ACACA: variants seen among roughly 807,000 people sequenced by gnomAD.
The protein encoded by ACACA is acetyl-CoA carboxylase alpha, also known as acetyl-CoA carboxylase 1.
Under a neutral mutation model 296.1 loss-of-function variants are expected in ACACA, and 103 were observed. The ratio of observed to expected loss-of-function variants is 0.35; its 90% CI spans 0.30 to 0.41. The LOEUF (loss-of-function observed/expected upper bound fraction) is 0.41. Among genes scored for constraint, ACACA ranks in the 10% least tolerant of loss-of-function variants. The pLI, the probability that ACACA is intolerant of heterozygous loss-of-function variation, is 1.00. For synonymous variants in ACACA, 953 were observed against 1,038.6 expected, an observed-to-expected ratio of 0.92 and a Z score of 1.58; for missense variants, 1,554 against 2,989.7, an observed-to-expected ratio of 0.52 and a Z score of 11.20.
At chr17:37,270,604 C>A (rs954301949) in intron 10 of ACACA, 147 bp downstream of exon 10, 15 of 655,956 alleles carry the variant, frequency 2.3e-5, no homozygotes, top group Non-Finnish European at 3.5e-5. Context: ...TGCTAATATG[C>A]AGGTAGAAAC....
intron 1 of ACACA, among the ~76,000 whole-genome samples, chr17:37,363,503 T>A (rs2049493751): frequency 6.6e-6 from 1 of 151,918 alleles, no homozygotes; most frequent in South Asian, 2.1e-4. Flanking sequence ...TTTTAAAGCA[T>A]CCCTAATAAT....
At chr17:37,117,657 T>C (rs1277692412) in intron 50 of ACACA, among the ~76,000 whole-genome samples, 1 of 152,210 alleles carries the variant, frequency 6.6e-6, no homozygotes, top group Non-Finnish European at 1.5e-5. Context: ...AATTTAATTT[T>C]GCATTATGCT....
intron 45 of ACACA, among the ~76,000 whole-genome samples, chr17:37,143,107 G>C (rs532666815): frequency 1.3e-5 from 2 of 151,998 alleles, no homozygotes; most frequent in Non-Finnish European, 2.9e-5. Flanking sequence ...GTAGCCCAGA[G>C]AGGTTAAATA....
intron 49 of ACACA, 30 bp downstream of exon 49, chr17:37,122,501 A>C (rs2074575121): frequency 6.3e-7 from 1 of 1,582,376 alleles, no homozygotes; most frequent in African/African-American, 1.3e-5. Context: ...CCCTCCAAGC[A>C]CAGCCCCCAG....
chr17:37,260,280 ATATATATATATATATATT>A (rs1264140657), intron 11 of ACACA, among the ~76,000 whole-genome samples: 6 of 32,410 alleles, frequency 1.9e-4, no homozygotes, highest in African/African-American at 5.7e-4. Flanking sequence ...ATATATATAT[ATATATATATATATATATT>A]TTTTTTTTTT....
chr17:37,245,593 C>G (rs2080654621), intron 19 of ACACA, among the ~76,000 whole-genome samples: 1 of 152,148 alleles, frequency 6.6e-6, no homozygotes, highest in Admixed American at 6.5e-5. Context: ...TTCTCCCTTA[C>G]CTACCAATTA....
chr17:37,379,408 C>T (rs1361007544), intron 1 of ACACA: 1 of 1,603,972 alleles, frequency 6.2e-7, no homozygotes, highest in Non-Finnish European at 8.5e-7. Flanking sequence ...AGGAAGGGGG[C>T]AGGCACTAAC....
chr17:37,232,338 G>T (rs1452098278), intron 25 of ACACA, among the ~76,000 whole-genome samples: 2 of 152,190 alleles, frequency 1.3e-5, no homozygotes, highest in Admixed American at 1.3e-4. Context: ...GATATGCAAA[G>T]AAAGGGGAAC....
intron 3 of ACACA, among the ~76,000 whole-genome samples, chr17:37,310,832 A>G (rs1212644191): frequency 6.6e-6 from 1 of 151,690 alleles, no homozygotes; most frequent in Non-Finnish European, 1.5e-5. Context: ...AATGTATATC[A>G]AGTAAAAAGA....
chr17:37,167,017 T>G (rs1220841237), intron 41 of ACACA, among the ~76,000 whole-genome samples: 1 of 151,852 alleles, frequency 6.6e-6, no homozygotes, highest in Non-Finnish European at 1.5e-5. Context: ...TGATCTCGGG[T>G]CACTACAACC....
chr17:37,108,619 C>T (rs944339565), intron 52 of ACACA, among the ~76,000 whole-genome samples: 3 of 152,120 alleles, frequency 2.0e-5, no homozygotes, highest in Non-Finnish European at 4.4e-5. Context: ...AACTCCCAAC[C>T]TCAGGTGATC....
At position 37,097,890 on chromosome 17, in the gene ACACA, G is replaced by A. The variant is rs548821816; in HGVS notation, c.6660C>T (p.Ala2220=). The part of the protein sequence containing the change: ...EFLIPIYHQV[A]VQFADLHDTP... ...TGTCGTGCAAGTCAGCAAACTGCAC[G>A]GCTACCTGATGGTAAATGGGAATTA... Residue 2220 remains alanine, a synonymous_variant, in exon 53 of 56, where the codon GCC becomes GCT. Coordinates refer to ENST00000616317, the MANE Select transcript of ACACA (RefSeq NM_198834.3). The surrounding 1 kb of genome is among the most constrained non-coding windows in gnomAD (Gnocchi z 4.8). 59 of 1,613,980 alleles carry A rather than the reference G, an allele frequency of 3.7e-5. No individual in the cohort carries two copies. The highest frequency in any genetic ancestry group is 4.6e-5 in the Non-Finnish European group (54 of 1,180,038).
chr17:37,192,031 A>C (rs756675523), intron 37 of ACACA, 59 bp downstream of exon 37: 22 of 1,522,386 alleles, frequency 1.4e-5, no homozygotes, highest in Non-Finnish European at 2.0e-5. Flanking sequence ...ATTTTGAATC[A>C]TATCTATTAT....
intron 29 of ACACA, among the ~76,000 whole-genome samples, chr17:37,217,657 C>T (rs542462400): frequency 1.5e-4 from 22 of 145,916 alleles, no homozygotes; most frequent in Non-Finnish European, 2.9e-4. Flanking sequence ...ATCGCTTGAA[C>T]CCAGGAGGCA....
chr17:37,190,235 C>A lies in ACACA; in HGVS notation c.4572+885G>T, dbSNP rs1006874819. 2.0e-5 allele frequency among the ~76,000 whole-genome samples: 3 copies of A among 152,022 alleles called. 1 individual carries two copies. On this transcript the variant is annotated intron_variant, in intron 38 of 55. Transcript: ENST00000616317. ...CTTGAGGTCAGGAGTTGGAGACCAG[C>A]CTGACTAACATGGTGAAACCCCGTT... is the stretch of plus-strand genomic sequence containing the variant.
In ACACA at chr17:37,241,988, AAAG is replaced by A. The variant is rs772918237; in HGVS notation, c.2994_2996del (p.Phe999del). On this transcript the variant is annotated inframe_deletion, in exon 23 of 56. Coordinates refer to ENST00000616317, the MANE Select transcript of ACACA (RefSeq NM_198834.3). ...GCTGAACAATGCTCTGAGTATTCAT[AAAG>A]AAGACTTCCCGTTCAGATTTCCGGT... is the stretch of plus-strand genomic sequence containing the variant. The A allele has an allele frequency of 1.9e-6, 3 of 1,613,992 alleles. No homozygotes were observed. Among genetic ancestry groups the A allele is most frequent in the South Asian group, 1.1e-5 (1 of 91,072 alleles).
intron 1 of ACACA, chr17:37,369,533 G>A (rs1249694476): frequency 6.6e-6 from 1 of 151,814 alleles, no homozygotes; most frequent in African/African-American, 2.4e-5. Flanking sequence ...AACAAGCCAG[G>A]TGCATGCCCC....
At chr17:37,200,363 A>G in intron 34 of ACACA, 64 bp downstream of exon 34, 2 of 1,498,442 alleles carry the variant, frequency 1.3e-6, no homozygotes, top group Non-Finnish European at 1.9e-6. Context: ...TTACAATCCC[A>G]TTTTTATTAA....
intron 52 of ACACA, among the ~76,000 whole-genome samples, chr17:37,104,924 G>C (rs1006981609): frequency 1.5e-5 from 2 of 135,106 alleles, no homozygotes; most frequent in Non-Finnish European, 3.1e-5. Context: ...GGCAGACAGA[G>C]TGAGAATCTG....
Sources: gnomAD v4.1 joint callset for allele counts (sites outside exome capture counted in the v4.1 genomes callset) on GRCh38, gnomAD v4.1.1 for gene constraint, Gnocchi (gnomAD v3.1) non-coding constraint, MANE v1.5 for transcripts, NCBI Gene and HGNC (gene_info 2026-07-23, HGNC 2026-07-21) for gene names.